SLC6A13: variants seen among roughly 807,000 people sequenced by gnomAD.
SLC6A13 encodes the protein solute carrier family 6 member 13.
SLC6A13 carries 69 observed loss-of-function variants against 72.9 expected under a neutral mutation model. That is an observed-to-expected ratio of 0.95 (90% CI 0.78 to 1.16). SLC6A13 has a LOEUF of 1.16. Ranked by LOEUF, SLC6A13 falls within the 50% of genes most tolerant of loss-of-function variation. The probability of loss-of-function intolerance (pLI) is 0.00; values close to 1 mark genes in which losing one functional copy is unlikely to be tolerated. For synonymous variants in SLC6A13, 303 were observed against 303.0 expected, an observed-to-expected ratio of 1.00 and a Z score of 0.00; for missense variants, 735 against 760.5, an observed-to-expected ratio of 0.97 and a Z score of 0.39.
intron 3 of SLC6A13, among the ~76,000 whole-genome samples, chr12:243,272 C>A (rs1942233539): frequency 6.6e-6 from 1 of 152,194 alleles, no homozygotes; most frequent in Admixed American, 6.5e-5. Flanking sequence ...GCCTCGGCCT[C>A]CCAAAGTGCT....
In SLC6A13 at chr12:254,814, A is replaced by G. The variant is rs138854227; in HGVS notation, c.202+5037T>C. ...GACATCTGATAGATACCTCAACTCA[A>G]CTTTCCCAAAATTCACCTCCTTACT... is the stretch of plus-strand genomic sequence containing the variant. On this transcript the variant is annotated intron_variant, in intron 2 of 14. Transcript: ENST00000343164. This position sits in a 1 kb window ranked among gnomAD's most constrained non-coding sequence, Gnocchi z 4.4. Among the ~76,000 whole-genome samples, 18 of 152,180 alleles carry G rather than the reference A, an allele frequency of 1.2e-4. No homozygotes were observed. The East Asian group carries it at 1.5e-3, about 13-fold the overall frequency.
intron 3 of SLC6A13, among the ~76,000 whole-genome samples, chr12:243,012 CTT>C (rs57416459): frequency 5.5e-5 from 8 of 144,726 alleles, no homozygotes; most frequent in East Asian, 2.0e-4. Context: ...CAAGATAGAA[CTT>C]TTTTTTTTTT....
At chr12:243,845 G>A (rs1308843290) in intron 2 of SLC6A13, 32 bp from the exon 3 acceptor site, 3 of 1,607,654 alleles carry the variant, frequency 1.9e-6, no homozygotes, top group Non-Finnish European at 2.5e-6. Context: ...TTCATTTCCT[G>A]GGACTATTCT....
chr12:254,361 A>T lies in SLC6A13; in HGVS notation c.202+5490T>A, dbSNP rs116433157. Among the ~76,000 whole-genome samples the T allele has an allele frequency of 9.9e-5, 15 of 152,066 alleles. No individual in the cohort carries two copies. The highest frequency in any genetic ancestry group is 2.2e-4 in the Non-Finnish European group (15 of 68,004). ...CAATAACCCACATTTACTATTTCCA[A>T]TTCCTTTCTCCCATCTCCCCCATTA... On this transcript the variant is annotated intron_variant, in intron 2 of 14. Coordinates refer to ENST00000343164, the MANE Select transcript of SLC6A13 (RefSeq NM_016615.5). The surrounding 1 kb of genome is among the most constrained non-coding windows in gnomAD (Gnocchi z 4.4).
chr12:235,050 C>T, intron 7 of SLC6A13, 40 bp downstream of exon 7: 1 of 1,613,164 alleles, frequency 6.2e-7, no homozygotes. Flanking sequence ...GCTCAGTTGC[C>T]CTGGGAGTCA....
intron 1 of SLC6A13, 165 bp downstream of exon 1, chr12:262,624 C>A (rs563628461): frequency 1.3e-5 from 12 of 935,852 alleles, no homozygotes; most frequent in Non-Finnish European, 1.5e-5. Flanking sequence ...TTCAGAAAGT[C>A]AAGAAAATAG....
intron 2 of SLC6A13, among the ~76,000 whole-genome samples, chr12:250,835 A>C (rs1034611121): frequency 9.5e-5 from 14 of 147,338 alleles, no homozygotes; most frequent in East Asian, 7.1e-4. Context: ...TAGCCCCCCA[A>C]AAAAAAAAAA....
intron 2 of SLC6A13, chr12:258,840 A>T (rs1035599159): frequency 1.2e-6 from 1 of 816,948 alleles, no homozygotes; most frequent in Non-Finnish European, 1.5e-6. Context: ...TACAACATGC[A>T]CACATTTGTG....
chr12:238,170 C>T (rs1942010574), intron 4 of SLC6A13, 160 bp from the exon 5 acceptor site: 22 of 1,535,058 alleles, frequency 1.4e-5, no homozygotes, highest in Non-Finnish European at 1.9e-5. Flanking sequence ...CACGTAATAA[C>T]CTCAACAAAT....
intron 7 of SLC6A13, among the ~76,000 whole-genome samples, chr12:229,969 C>T (rs1366007788): frequency 6.6e-6 from 1 of 152,054 alleles, no homozygotes; most frequent in African/African-American, 2.4e-5. Context: ...CGGCAGGAGG[C>T]TGAGAACCCA....
At chr12:246,426 G>C (rs893039183) in intron 2 of SLC6A13, among the ~76,000 whole-genome samples, 6 of 152,194 alleles carry the variant, frequency 3.9e-5, no homozygotes, top group Non-Finnish European at 7.3e-5. Context: ...TCAGGAAAAT[G>C]TTACTCATAG....
chr12:224,070 G>A lies in SLC6A13; in HGVS notation c.1233C>T (p.Arg411=). Residue 411 remains arginine (R), a synonymous_variant, in exon 11 of 15, where the codon CGC becomes CGT. Transcript: ENST00000343164. ...ALVDMYPHVF[R]KKNRREVLIL... is the part of the protein sequence containing the mutation. ...TGAGGACTTCCCTCCGGTTCTTCTT[G>A]CGGAACACGTGAGGGTACATGTCCA... The A allele has an allele frequency of 6.2e-7, 1 of 1,614,146 alleles. No individual in the cohort carries two copies. The highest frequency in any genetic ancestry group is 8.5e-7 in the Non-Finnish European group (1 of 1,180,000).
chr12:222,618 A>G lies in SLC6A13; in HGVS notation c.1429T>C (p.Tyr477His), dbSNP rs1941260273. 5.0e-6 allele frequency: 8 copies of G among 1,606,512 alleles called. No homozygotes were observed. Among genetic ancestry groups the G allele is most frequent in the Non-Finnish European group, 6.8e-6 (8 of 1,175,360 alleles). The change falls in exon 13 of 15, where the codon TAC becomes CAC. Residue 477 changes from tyrosine to histidine, a missense_variant. By Grantham distance (83) the Tyr-to-His change is moderately conservative. Coordinates refer to ENST00000343164, the MANE Select transcript of SLC6A13 (RefSeq NM_016615.5). ...CCAATCATGTCTTCGATGTTGTCGT[A>G]GAAGCGCTTGGCTCCTACCATGGAG... ...VAWVYGAKRF[Y>H]DNIEDMIGYR...
At chr12:228,621 G>A (rs948628469) in intron 7 of SLC6A13, among the ~76,000 whole-genome samples, 1 of 152,124 alleles carries the variant, frequency 6.6e-6, no homozygotes, top group Non-Finnish European at 1.5e-5. Context: ...CTAATATCAG[G>A]CCTCCAATTC....
At chr12:240,820 G>C (rs1942138995) in intron 4 of SLC6A13, among the ~76,000 whole-genome samples, 1 of 152,188 alleles carries the variant, frequency 6.6e-6, no homozygotes, top group Admixed American at 6.5e-5. Flanking sequence ...GAATGGAGGT[G>C]GTGGCAGTGA....
chr12:237,885 G>A (rs770713997), intron 5 of SLC6A13, 41 bp downstream of exon 5: 1 of 1,452,478 alleles, frequency 6.9e-7, no homozygotes. Flanking sequence ...CCCTTCTTCT[G>A]AACACACGGC....
intron 2 of SLC6A13, among the ~76,000 whole-genome samples, chr12:245,385 C>G (rs1297295621): frequency 6.6e-6 from 1 of 152,132 alleles, no homozygotes; most frequent in South Asian, 2.1e-4. Flanking sequence ...AGAATATTTA[C>G]AGAAATACGA....
chr12:239,374 G>A (rs956228277), intron 4 of SLC6A13, among the ~76,000 whole-genome samples: 5 of 151,874 alleles, frequency 3.3e-5, no homozygotes, highest in African/African-American at 1.2e-4. Flanking sequence ...CCCTGCACAC[G>A]TGGGGTGTGT....
chr12:258,573 G>A (rs555421457), intron 2 of SLC6A13, among the ~76,000 whole-genome samples: 10 of 152,084 alleles, frequency 6.6e-5, no homozygotes, highest in Non-Finnish European at 1.5e-4. Flanking sequence ...ATCAGACCTG[G>A]GAGCCCCAAT....
Sources: gnomAD v4.1 joint callset for allele counts (sites outside exome capture counted in the v4.1 genomes callset) on GRCh38, gnomAD v4.1.1 for gene constraint, Gnocchi (gnomAD v3.1) non-coding constraint, MANE v1.5 for transcripts, NCBI Gene and HGNC (gene_info 2026-07-23, HGNC 2026-07-21) for gene names.